The following EHBP1 variants were observed in gnomAD, a reference collection of about 807,000 sequenced individuals.
EHBP1 encodes the protein EH domain binding protein 1, also known as EH domain-binding protein 1.
EHBP1 carries 55 observed loss-of-function variants against 144.0 expected under a neutral mutation model. The observed-to-expected ratio is 0.38, with a 90% CI of 0.31 to 0.48. The LOEUF is 0.48. Ranked by LOEUF, EHBP1 falls within the 20% of genes least tolerant of loss-of-function variation. The pLI is 0.98. For missense variants in EHBP1, 1,200 were observed against 1,364.2 expected (o/e 0.88, Z 1.90); for synonymous variants, 469 against 472.7 (o/e 0.99, Z 0.10).
chr2:62,908,922 G>T (rs2053997040), intron 10 of EHBP1, among the ~76,000 whole-genome samples: 1 of 152,130 alleles, frequency 6.6e-6, no homozygotes, highest in African/African-American at 2.4e-5. Flanking sequence ...CCAGTGCCTA[G>T]AACCAGTGGT....
At chr2:62,759,410 T>C (rs987598176) in intron 3 of EHBP1, among the ~76,000 whole-genome samples, 3 of 152,154 alleles carry the variant, frequency 2.0e-5, no homozygotes, top group Non-Finnish European at 4.4e-5. Flanking sequence ...GTGTGCTTTT[T>C]CTTTTGTTTT....
intron 19 of EHBP1, among the ~76,000 whole-genome samples, chr2:63,014,301 A>T (rs2060394262): frequency 6.6e-6 from 1 of 152,158 alleles, no homozygotes; most frequent in Non-Finnish European, 1.5e-5. Flanking sequence ...AGCTGTATTA[A>T]ATGCTTAAAG....
Position 62,826,098 on chromosome 2 carries a change from T to C in EHBP1, c.324T>C (p.Ser108=). The C allele has an allele frequency of 9.5e-6, 14 of 1,480,604 alleles. No individual in the cohort carries two copies. Among genetic ancestry groups the C allele is most frequent in the Non-Finnish European group, 1.3e-5 (14 of 1,114,408 alleles). 91.7% of individuals were successfully genotyped at this position (1,480,604 alleles called of 1,614,324 possible). Residue 108 remains serine, a synonymous_variant, in exon 6 of 23, where the codon TCT becomes TCC. Transcript: ENST00000431489. ...WTFVIENESP[S]GRRKALATSS... is the part of the protein sequence containing the mutation. The stretch of plus-strand genomic sequence containing the variant: ...CTTTAATCTTCCAGGAATCCCCTTC[T>C]GGTCGAAGGAAAGCTCTTGCTACTA...
In EHBP1 at chr2:63,045,516, G is replaced by A; in HGVS notation, c.*16G>A. On this transcript the variant is annotated 3_prime_UTR_variant, in exon 23 of 23. Coordinates refer to ENST00000431489, the MANE Select transcript of EHBP1 (RefSeq NM_001142616.3). This position sits in a 1 kb window ranked among gnomAD's most constrained non-coding sequence, Gnocchi z 5.7. ...TCTTCAGTAGCCATCAGATCAGAAA[G>A]AATCTCTCCCAACATTTTAGAGTCT... 1 of 1,595,394 alleles carries A rather than the reference G, an allele frequency of 6.3e-7. No individual in the cohort carries two copies. Among genetic ancestry groups the A allele is most frequent in the Non-Finnish European group, 8.6e-7 (1 of 1,165,270 alleles).
chr2:62,866,120 TG>T (rs1558820785), intron 9 of EHBP1, among the ~76,000 whole-genome samples: 1 of 152,200 alleles, frequency 6.6e-6, no homozygotes, highest in African/African-American at 2.4e-5. Context: ...TCCTAACACA[TG>T]GGACATTCAG....
chr2:62,915,350 A>C (rs2054524376), intron 10 of EHBP1, among the ~76,000 whole-genome samples: 2 of 152,130 alleles, frequency 1.3e-5, no homozygotes, highest in African/African-American at 4.8e-5. Flanking sequence ...CTAATTTATA[A>C]ATCGGTAGTA....
At chr2:62,887,948 CAT>C (rs1448179521) in intron 10 of EHBP1, among the ~76,000 whole-genome samples, 1 of 152,178 alleles carries the variant, frequency 6.6e-6, no homozygotes, top group African/African-American at 2.4e-5. Context: ...ATTTTCAGAA[CAT>C]AGAATTACTG....
At chr2:63,027,121 G>C (rs1025011246) in intron 19 of EHBP1, among the ~76,000 whole-genome samples, 24 of 152,152 alleles carry the variant, frequency 1.6e-4, no homozygotes, top group African/African-American at 5.6e-4. Flanking sequence ...CTGCATTTGA[G>C]GCCTGGTTCC....
chr2:62,952,527 A>G (rs1246434643), intron 13 of EHBP1, among the ~76,000 whole-genome samples: 1 of 152,206 alleles, frequency 6.6e-6, no homozygotes, highest in African/African-American at 2.4e-5. Flanking sequence ...ATGGCTTTAT[A>G]TACTTAACAA....
chr2:62,782,860 C>T (rs1161204134), intron 5 of EHBP1, among the ~76,000 whole-genome samples: 5 of 152,118 alleles, frequency 3.3e-5, no homozygotes, highest in African/African-American at 1.2e-4. Context: ...ATCATGCCTT[C>T]CCAACAGTCC....
chr2:62,881,025 G>GGT (rs2051361634), intron 10 of EHBP1, among the ~76,000 whole-genome samples: 1 of 144,850 alleles, frequency 6.9e-6, no homozygotes, highest in Admixed American at 6.9e-5. Flanking sequence ...ATGAAAATGT[G>GGT]GTATATATAT....
At chr2:62,891,158 CAAAA>C (rs34477729) in intron 10 of EHBP1, among the ~76,000 whole-genome samples, 1 of 66,028 alleles carries the variant, frequency 1.5e-5, no homozygotes. Context: ...GCCTGGGCGA[CAAAA>C]AAAAAAAAAA....
chr2:63,008,167 T>C (rs941999656), intron 19 of EHBP1, among the ~76,000 whole-genome samples: 2 of 151,818 alleles, frequency 1.3e-5, no homozygotes, highest in African/African-American at 4.8e-5. Context: ...CTAGTTAGCA[T>C]GAATTACAAG....
At position 62,802,882 on chromosome 2, in the gene EHBP1, G is replaced by A. The variant is rs551531704; in HGVS notation, c.313-23205G>A. On this transcript the variant is annotated intron_variant, in intron 5 of 22. Coordinates refer to ENST00000431489, the MANE Select transcript of EHBP1 (RefSeq NM_001142616.3). ...TGGGATTAGAGGTGTGCACCACCACGCCCAACTAATTTTTGTATTTTTAGT... is the reference window on the plus strand; with the variant it reads ...TGGGATTAGAGGTGTGCACCACCACACCCAACTAATTTTTGTATTTTTAGT... Among the ~76,000 whole-genome samples, 35 of 152,008 alleles carry A rather than the reference G, an allele frequency of 2.3e-4. No individual in the cohort carries two copies. The South Asian group carries it at 6.0e-3, about 26-fold the overall frequency.
At chr2:62,857,316 C>CT (rs2049138043) in intron 7 of EHBP1, among the ~76,000 whole-genome samples, 1 of 152,058 alleles carries the variant, frequency 6.6e-6, no homozygotes, top group African/African-American at 2.4e-5. Flanking sequence ...CTCTATAGAT[C>CT]GTAAATTCCA....
At chr2:62,868,821 G>A (rs1391925511) in intron 9 of EHBP1, among the ~76,000 whole-genome samples, 2 of 151,984 alleles carry the variant, frequency 1.3e-5, no homozygotes, top group African/African-American at 4.8e-5. Context: ...GGGTGTGATA[G>A]TGCACACCTG....
chr2:62,926,239 A>T (rs1381127321), intron 10 of EHBP1, among the ~76,000 whole-genome samples: 1 of 152,144 alleles, frequency 6.6e-6, no homozygotes, highest in East Asian at 1.9e-4. Flanking sequence ...AAAGACTTAA[A>T]TGTAAGACCT....
At chr2:62,889,494 A>G (rs1221270159) in intron 10 of EHBP1, among the ~76,000 whole-genome samples, 1 of 151,958 alleles carries the variant, frequency 6.6e-6, no homozygotes, top group Admixed American at 6.6e-5. Flanking sequence ...CCTGAATGCT[A>G]TTGCCTAGGT....
intron 7 of EHBP1, among the ~76,000 whole-genome samples, chr2:62,839,410 C>G (rs2047598580): frequency 7.2e-6 from 1 of 138,244 alleles, no homozygotes; most frequent in East Asian, 2.1e-4. Flanking sequence ...AAACTGGAAG[C>G]ATTCCCTTTG....
Sources: gnomAD v4.1 joint callset for allele counts (sites outside exome capture counted in the v4.1 genomes callset) on GRCh38, gnomAD v4.1.1 for gene constraint, Gnocchi (gnomAD v3.1) non-coding constraint, MANE v1.5 for transcripts, NCBI Gene and HGNC (gene_info 2026-07-23, HGNC 2026-07-21) for gene names.